The following NKAIN2 variants were observed in gnomAD, a reference collection of about 807,000 sequenced individuals.
The protein encoded by NKAIN2 is sodium/potassium transporting ATPase interacting 2, also known as sodium/potassium-transporting ATPase subunit beta-1-interacting protein 2.
In NKAIN2, 14 loss-of-function variants were observed where a neutral mutation model predicts 32.6. The observed-to-expected ratio is 0.43, with a 90% CI of 0.28 to 0.67. NKAIN2 has a LOEUF of 0.67. NKAIN2 is among the 30% of genes least tolerant of loss of function. The probability of loss-of-function intolerance (pLI) is 0.17; values close to 1 mark genes in which losing one functional copy is unlikely to be tolerated. For missense variants in NKAIN2, 198 were observed against 258.3 expected (o/e 0.77, Z 1.60); for synonymous variants, 80 against 87.2 (o/e 0.92, Z 0.46).
At chr6:124,243,204 A>T (rs1793207121) in intron 1 of NKAIN2, among the ~76,000 whole-genome samples, 1 of 151,758 alleles carries the variant, frequency 6.6e-6, no homozygotes, top group African/African-American at 2.4e-5. Flanking sequence ...GAAGAGGAAG[A>T]TGTTGGTTGG....
chr6:124,324,455 ACT>A (rs1005012148), intron 2 of NKAIN2, among the ~76,000 whole-genome samples: 2 of 152,024 alleles, frequency 1.3e-5, no homozygotes, highest in African/African-American at 4.8e-5. Context: ...TGTGATCTTA[ACT>A]CATTTAATAT....
chr6:124,363,635 G>A (rs188755040), intron 3 of NKAIN2, among the ~76,000 whole-genome samples: 3 of 152,310 alleles, frequency 2.0e-5, no homozygotes, highest in Non-Finnish European at 2.9e-5. Flanking sequence ...AGACTTTCAT[G>A]TGAAAAGATC....
intron 3 of NKAIN2, among the ~76,000 whole-genome samples, chr6:124,476,065 AGTGTGTGTGTGTGTGTGT>A (rs61191593): frequency 7.5e-6 from 1 of 132,462 alleles, no homozygotes; most frequent in South Asian, 2.4e-4. Context: ...AGAGAGAGAG[AGTGTGTGTGTGTGTGTGT>A]GTGTGTGTGT....
chr6:123,824,716 C>T (rs1041752001), intron 1 of NKAIN2, among the ~76,000 whole-genome samples: 4 of 148,914 alleles, frequency 2.7e-5, no homozygotes, highest in African/African-American at 1.0e-4. Flanking sequence ...CACATGTATC[C>T]CAGAACTTAA....
At chr6:124,518,514 C>A (rs1315624340) in intron 3 of NKAIN2, among the ~76,000 whole-genome samples, 1 of 151,962 alleles carries the variant, frequency 6.6e-6, no homozygotes, top group Admixed American at 6.6e-5. Context: ...CAAGGTGAAG[C>A]AGGAGGAATC....
chr6:124,498,212 G>T (rs1778142783), intron 3 of NKAIN2, among the ~76,000 whole-genome samples: 1 of 152,292 alleles, frequency 6.6e-6, no homozygotes, highest in African/African-American at 2.4e-5. Context: ...GTGATGTGTA[G>T]CAGGGAGACC....
At chr6:124,492,209 G>A (rs571143463) in intron 3 of NKAIN2, among the ~76,000 whole-genome samples, 24 of 151,780 alleles carry the variant, frequency 1.6e-4, no homozygotes, top group African/African-American at 2.9e-4. Context: ...AAAGATATTC[G>A]TTTGAAGAAA....
At chr6:124,003,601 T>C (rs1779960495) in intron 1 of NKAIN2, among the ~76,000 whole-genome samples, 1 of 152,172 alleles carries the variant, frequency 6.6e-6, no homozygotes, top group Non-Finnish European at 1.5e-5. Flanking sequence ...ACATGGAATT[T>C]TGTACACATA....
chr6:123,816,426 A>G (rs750725320), intron 1 of NKAIN2, among the ~76,000 whole-genome samples: 7 of 152,292 alleles, frequency 4.6e-5, no homozygotes, highest in East Asian at 3.9e-4. Context: ...CCTGTGGGGA[A>G]TGTGAGGGCA....
intron 3 of NKAIN2, among the ~76,000 whole-genome samples, chr6:124,633,549 A>G (rs1783653881): frequency 6.6e-6 from 1 of 152,158 alleles, no homozygotes; most frequent in Non-Finnish European, 1.5e-5. Flanking sequence ...GTTCATCTCT[A>G]TCTTGTTATT....
intron 1 of NKAIN2, among the ~76,000 whole-genome samples, chr6:124,186,265 A>T (rs983333834): frequency 2.6e-5 from 4 of 152,076 alleles, no homozygotes; most frequent in African/African-American, 9.7e-5. Context: ...AAAAAAGAAA[A>T]GAAAAGGAGA....
intron 2 of NKAIN2, among the ~76,000 whole-genome samples, chr6:124,348,941 T>G (rs1460244831): frequency 1.3e-5 from 2 of 152,096 alleles, no homozygotes; most frequent in African/African-American, 4.8e-5. Context: ...CACCAGGAGA[T>G]TATATCCCAC....
intron 3 of NKAIN2, among the ~76,000 whole-genome samples, chr6:124,516,741 A>G (rs1214407244): frequency 6.6e-6 from 1 of 152,154 alleles, no homozygotes; most frequent in East Asian, 1.9e-4. Context: ...CACCTGCAGT[A>G]GAATCACACT....
At chr6:124,162,888 C>T (rs1788347974) in intron 1 of NKAIN2, among the ~76,000 whole-genome samples, 1 of 152,016 alleles carries the variant, frequency 6.6e-6, no homozygotes, top group African/African-American at 2.4e-5. Flanking sequence ...AGTTCTAATG[C>T]ATGTGGATTT....
At chr6:124,042,265 G>A (rs913072102) in intron 1 of NKAIN2, among the ~76,000 whole-genome samples, 2 of 152,010 alleles carry the variant, frequency 1.3e-5, no homozygotes, top group Admixed American at 6.6e-5. Flanking sequence ...TGTTGCCATA[G>A]TGTTTGAAGC....
chr6:123,982,177 G>T (rs1322725980), intron 1 of NKAIN2, among the ~76,000 whole-genome samples: 3 of 152,030 alleles, frequency 2.0e-5, no homozygotes, highest in African/African-American at 7.2e-5. Context: ...GAGATGAAAA[G>T]ATACATGCGA....
intron 4 of NKAIN2, among the ~76,000 whole-genome samples, chr6:124,713,838 T>G (rs1205106112): frequency 6.6e-6 from 1 of 152,180 alleles, no homozygotes. Flanking sequence ...AAGTGATCAC[T>G]CTATCAATGT....
intron 1 of NKAIN2, among the ~76,000 whole-genome samples, chr6:124,075,896 T>C (rs1219770233): frequency 6.6e-6 from 1 of 152,196 alleles, no homozygotes; most frequent in Non-Finnish European, 1.5e-5. Context: ...GCGCCCAGCA[T>C]GTATGGCACT....
intron 1 of NKAIN2, among the ~76,000 whole-genome samples, chr6:124,143,868 TTTC>T (rs1787261334): frequency 1.3e-5 from 2 of 152,194 alleles, no homozygotes; most frequent in Non-Finnish European, 2.9e-5. Context: ...TGTTAATGGT[TTTC>T]TTATTATCCT....
Sources: allele counts gnomAD v4.1 joint callset (sites outside exome capture counted in the v4.1 genomes callset), GRCh38; gene constraint gnomAD v4.1.1; transcripts MANE v1.5; gene names NCBI Gene and HGNC (gene_info 2026-07-23, HGNC 2026-07-21).